MSRA: variants seen among roughly 807,000 people sequenced by gnomAD.
MSRA encodes methionine sulfoxide reductase A.
A neutral mutation model predicts 31.3 loss-of-function variants in MSRA; 54 were observed. That is an observed-to-expected ratio of 1.73 (90% CI 1.39 to 2.17). MSRA has a LOEUF of 2.17. MSRA is among the 30% of genes most tolerant of loss of function. The pLI is 0.00. For missense variants in MSRA, 507 were observed against 300.9 expected (o/e 1.69, Z -5.07); for synonymous variants, 169 against 116.5 (o/e 1.45, Z -2.90).
At chr8:10,202,564 G>C (rs555841731) in intron 1 of MSRA, among the ~76,000 whole-genome samples, 88 of 152,312 alleles carry the variant, frequency 5.8e-4, no homozygotes, top group African/African-American at 2.0e-3. Context: ...TATGGGTACT[G>C]TGTTGAGAAA....
At chr8:10,223,676 G>A (rs1796842986) in intron 2 of MSRA, among the ~76,000 whole-genome samples, 1 of 152,168 alleles carries the variant, frequency 6.6e-6, no homozygotes, top group African/African-American at 2.4e-5. Context: ...GACAGATACT[G>A]GGACAGAAAA....
At chr8:10,282,134 A>G (rs1303208432) in intron 3 of MSRA, among the ~76,000 whole-genome samples, 2 of 152,308 alleles carry the variant, frequency 1.3e-5, no homozygotes, top group African/African-American at 4.8e-5. Context: ...GTAATAATTT[A>G]TAATTCGTAC....
intron 5 of MSRA, among the ~76,000 whole-genome samples, chr8:10,367,182 C>G (rs1468322366): frequency 2.0e-5 from 3 of 152,144 alleles, no homozygotes; most frequent in Admixed American, 2.0e-4. Flanking sequence ...TCTACACTGC[C>G]TATCTGTTAG....
At chr8:10,065,724 A>G (rs1797422563) in intron 1 of MSRA, among the ~76,000 whole-genome samples, 1 of 152,254 alleles carries the variant, frequency 6.6e-6, no homozygotes, top group Non-Finnish European at 1.5e-5. Flanking sequence ...TTTTGCGTGT[A>G]CATTTGCTTC....
intron 5 of MSRA, chr8:10,337,181 C>CTT (rs575497814): frequency 3.4e-5 from 5 of 145,792 alleles, no homozygotes; most frequent in Non-Finnish European, 7.6e-5. Flanking sequence ...GCCTATGTTA[C>CTT]TTTTTTTTTT....
chr8:10,194,883 C>G (rs896447168), intron 1 of MSRA, among the ~76,000 whole-genome samples: 5 of 152,200 alleles, frequency 3.3e-5, no homozygotes, highest in African/African-American at 1.2e-4. Flanking sequence ...GGAGCAAAGA[C>G]TGGAGATGTT....
intron 5 of MSRA, among the ~76,000 whole-genome samples, chr8:10,356,635 C>T (rs556493934): frequency 6.6e-6 from 1 of 152,218 alleles, no homozygotes; most frequent in South Asian, 2.1e-4. Flanking sequence ...AGAGTGGAGC[C>T]CTGATAAATA....
At chr8:10,195,545 T>C (rs945697641) in intron 1 of MSRA, among the ~76,000 whole-genome samples, 1 of 152,192 alleles carries the variant, frequency 6.6e-6, no homozygotes, top group Non-Finnish European at 1.5e-5. Flanking sequence ...CTGGCCTAAT[T>C]TTCTATCTCT....
intron 5 of MSRA, among the ~76,000 whole-genome samples, chr8:10,351,161 C>T (rs1013952026): frequency 2.0e-5 from 3 of 151,334 alleles, no homozygotes; most frequent in South Asian, 4.2e-4. Context: ...TGTCTCCACG[C>T]TCATCCATTC....
intron 1 of MSRA, among the ~76,000 whole-genome samples, chr8:10,116,208 C>T (rs34748716): frequency 0.31 from 47,310 of 152,078 alleles, 8,299 homozygotes; most frequent in Middle Eastern, 0.45. Context: ...CCCAGGATGC[C>T]GTTGAGTGCA....
At chr8:10,188,793 C>G (rs188064125) in intron 1 of MSRA, among the ~76,000 whole-genome samples, 11 of 152,276 alleles carry the variant, frequency 7.2e-5, no homozygotes, top group South Asian at 4.1e-4. Context: ...TACAGTAAGT[C>G]CTGAAATCAG....
chr8:10,065,209 C>T (rs1797397814), intron 1 of MSRA, among the ~76,000 whole-genome samples: 1 of 151,944 alleles, frequency 6.6e-6, no homozygotes. Context: ...TTCTCAGAGC[C>T]CCAGGGTGTC....
intron 1 of MSRA, among the ~76,000 whole-genome samples, chr8:10,167,968 T>A (rs1805285972): frequency 6.6e-6 from 1 of 152,208 alleles, no homozygotes; most frequent in African/African-American, 2.4e-5. Context: ...GGAGAAGCTC[T>A]GTTAGGACTT....
chr8:10,268,614 A>G (rs960348477), intron 3 of MSRA, among the ~76,000 whole-genome samples: 1 of 152,260 alleles, frequency 6.6e-6, no homozygotes, highest in Admixed American at 6.5e-5. Flanking sequence ...TAACTATACA[A>G]TCAAACAAGT....
chr8:10,090,263 C>G (rs1157083197), intron 1 of MSRA, among the ~76,000 whole-genome samples: 2 of 152,122 alleles, frequency 1.3e-5, no homozygotes, highest in Non-Finnish European at 2.9e-5. Flanking sequence ...AGCAGAAGCT[C>G]TCAGAGCCAG....
chr8:10,153,858 C>G (rs373555895), intron 1 of MSRA, among the ~76,000 whole-genome samples: 3 of 152,174 alleles, frequency 2.0e-5, no homozygotes, highest in African/African-American at 7.2e-5. Context: ...CCTTTTATTT[C>G]GGATCCAGGC....
intron 1 of MSRA, among the ~76,000 whole-genome samples, chr8:10,127,691 A>G (rs1801600281): frequency 6.6e-6 from 1 of 152,238 alleles, no homozygotes; most frequent in Non-Finnish European, 1.5e-5. Flanking sequence ...TATGGATAAA[A>G]GAGAATTGGG....
chr8:10,172,664 G>A (rs1168699866), intron 1 of MSRA, among the ~76,000 whole-genome samples: 3 of 152,200 alleles, frequency 2.0e-5, no homozygotes, highest in African/African-American at 7.2e-5. Context: ...TTGGAAGTTG[G>A]AGTGAACTTC....
intron 1 of MSRA, chr8:10,095,439 A>T (rs530982522): frequency 3.1e-6 from 3 of 982,920 alleles, no homozygotes; most frequent in Non-Finnish European, 3.6e-6. Flanking sequence ...CCTGTTTTCA[A>T]ATGTATTAAT....
Sources: allele counts gnomAD v4.1 joint callset (sites outside exome capture counted in the v4.1 genomes callset), GRCh38; gene constraint gnomAD v4.1.1; transcripts MANE v1.5; gene names NCBI Gene and HGNC (gene_info 2026-07-23, HGNC 2026-07-21).